SH3RF3: variants seen among roughly 807,000 people sequenced by gnomAD.
SH3RF3 encodes the protein SH3 domain containing ring finger 3.
A neutral mutation model predicts 66.3 loss-of-function variants in SH3RF3; 29 were observed. The ratio of observed to expected loss-of-function variants is 0.44; its 90% CI spans 0.33 to 0.60. SH3RF3 has a LOEUF of 0.60. SH3RF3 is among the 20% of genes least tolerant of loss of function. The pLI, the probability that SH3RF3 is intolerant of heterozygous loss-of-function variation, is 0.04. For synonymous variants in SH3RF3, 583 were observed against 532.0 expected (o/e 1.10, Z -1.32); for missense variants, 1,194 against 1,190.9 (o/e 1.00, Z -0.04).
At chr2:109,278,176 T>TAA (rs11423441) in intron 1 of SH3RF3, among the ~76,000 whole-genome samples, 177 of 147,620 alleles carry the variant, frequency 1.2e-3, no homozygotes, top group African/African-American at 3.4e-3. Context: ...GACCCAATCT[T>TAA]AAAAAAAAAA....
chr2:109,298,860 C>T (rs1212051952), intron 1 of SH3RF3, among the ~76,000 whole-genome samples: 1 of 152,214 alleles, frequency 6.6e-6, no homozygotes, highest in Non-Finnish European at 1.5e-5. Context: ...TATTCTCAAA[C>T]AGTGACCAGA....
intron 2 of SH3RF3, among the ~76,000 whole-genome samples, chr2:109,371,067 G>A (rs564876378): frequency 6.6e-6 from 1 of 152,302 alleles, no homozygotes. Context: ...CCCATATGGG[G>A]CTCTTTGCAG....
intron 1 of SH3RF3, among the ~76,000 whole-genome samples, chr2:109,314,271 G>A (rs1370824594): frequency 2.6e-5 from 4 of 152,204 alleles, no homozygotes; most frequent in African/African-American, 9.6e-5. Context: ...CTTGGCATAT[G>A]TTTTAGGAGA....
chr2:109,130,477 C>G (rs941342577), intron 1 of SH3RF3, among the ~76,000 whole-genome samples: 2 of 152,212 alleles, frequency 1.3e-5, no homozygotes, highest in African/African-American at 2.4e-5. Flanking sequence ...TCTGCACACC[C>G]TGGGCCTGCC....
chr2:109,406,512 G>A (rs1676456947), intron 4 of SH3RF3, among the ~76,000 whole-genome samples: 1 of 152,118 alleles, frequency 6.6e-6, no homozygotes, highest in Non-Finnish European at 1.5e-5. Flanking sequence ...CGGTAGAAGA[G>A]GGCTTGGCTC....
At chr2:109,396,284 A>C (rs1437532112) in intron 3 of SH3RF3, among the ~76,000 whole-genome samples, 2 of 152,244 alleles carry the variant, frequency 1.3e-5, no homozygotes, top group Non-Finnish European at 2.9e-5. Flanking sequence ...AAAATAGAGC[A>C]AAACAGCTGA....
At chr2:109,193,214 G>T (rs747248182) in intron 1 of SH3RF3, among the ~76,000 whole-genome samples, 2 of 152,246 alleles carry the variant, frequency 1.3e-5, no homozygotes, top group Non-Finnish European at 2.9e-5. Flanking sequence ...TTCCTGGGAA[G>T]ATCAGCTGAG....
chr2:109,475,049 C>T lies in SH3RF3; in HGVS notation c.2149-15556C>T, dbSNP rs562936555. Among the ~76,000 whole-genome samples the T allele has an allele frequency of 3.9e-5, 6 of 152,314 alleles. No individual in the cohort carries two copies. In the South Asian group the frequency reaches 1.2e-3, roughly 32 times the overall value. On this transcript the variant is annotated intron_variant, in intron 8 of 9. Coordinates refer to ENST00000309415, the MANE Select transcript of SH3RF3 (RefSeq NM_001099289.3). ...CTGGAGTGCAGTGGTGCGATCTCTG[C>T]TCACTGCAACCTCCACCTCCCAGGT...
intron 2 of SH3RF3, among the ~76,000 whole-genome samples, chr2:109,349,034 TCTCA>T (rs1417317862): frequency 6.6e-6 from 1 of 152,116 alleles, no homozygotes; most frequent in Non-Finnish European, 1.5e-5. Flanking sequence ...TCTCTCTCTC[TCTCA>T]CACACACACG....
At chr2:109,243,160 T>C (rs1342137201) in intron 1 of SH3RF3, among the ~76,000 whole-genome samples, 1 of 152,212 alleles carries the variant, frequency 6.6e-6, no homozygotes, top group Non-Finnish European at 1.5e-5. Context: ...TGTGCAGGTG[T>C]CTTGTAAGGG....
intron 1 of SH3RF3, among the ~76,000 whole-genome samples, chr2:109,213,448 A>G (rs11691266): frequency 0.3 from 45,055 of 152,148 alleles, 7,666 homozygotes; most frequent in South Asian, 0.39. Flanking sequence ...CATCCAGGAC[A>G]CTTCCCCTTA....
intron 8 of SH3RF3, among the ~76,000 whole-genome samples, chr2:109,468,466 C>T (rs983551131): frequency 6.6e-6 from 1 of 152,158 alleles, no homozygotes; most frequent in Non-Finnish European, 1.5e-5. Flanking sequence ...ACACATCATG[C>T]TGCTTGGTCC....
At chr2:109,167,004 C>A (rs1010556205) in intron 1 of SH3RF3, among the ~76,000 whole-genome samples, 1 of 152,290 alleles carries the variant, frequency 6.6e-6, no homozygotes, top group South Asian at 2.1e-4. Flanking sequence ...GTAGCTTGAG[C>A]AATGCTAAAA....
At chr2:109,200,665 AG>A (rs1383182155) in intron 1 of SH3RF3, among the ~76,000 whole-genome samples, 1 of 152,106 alleles carries the variant, frequency 6.6e-6, no homozygotes. Flanking sequence ...GCCAAGCTGG[AG>A]GCCTCTTTTC....
At chr2:109,142,492 A>T (rs1676980980) in intron 1 of SH3RF3, among the ~76,000 whole-genome samples, 1 of 152,196 alleles carries the variant, frequency 6.6e-6, no homozygotes, top group Non-Finnish European at 1.5e-5. Flanking sequence ...GCTTGCAGGC[A>T]CAGCGGCCGA....
chr2:109,149,352 A>C (rs2104863984), intron 1 of SH3RF3, among the ~76,000 whole-genome samples: 1 of 152,330 alleles, frequency 6.6e-6, no homozygotes, highest in South Asian at 2.1e-4. Context: ...CCATTTAATC[A>C]AGAGTCAAGT....
rs143335780 is a variant in SH3RF3, at chr2:109,140,078, G to A, written c.573+9965G>A. Among the ~76,000 whole-genome samples, 306 of 152,288 alleles carry A rather than the reference G, an allele frequency of 2.0e-3. 7 individuals are homozygous for A. The South Asian group carries it at 0.046, about 23-fold the overall frequency. ...GCTGGGGTGAAGAGGACAGGTCTGCGGAAGGCTTTCCACTTAGTCCTGGGA... is the reference window on the plus strand; with the variant it reads ...GCTGGGGTGAAGAGGACAGGTCTGCAGAAGGCTTTCCACTTAGTCCTGGGA... On this transcript the variant is annotated intron_variant, in intron 1 of 9. Coordinates refer to ENST00000309415, the MANE Select transcript of SH3RF3 (RefSeq NM_001099289.3).
intron 1 of SH3RF3, among the ~76,000 whole-genome samples, chr2:109,208,565 C>A (rs796293869): frequency 5.3e-5 from 8 of 152,352 alleles, no homozygotes; most frequent in African/African-American, 1.9e-4. Flanking sequence ...GACCCACCTG[C>A]AGCAGAGCTG....
chr2:109,210,053 A>G (rs1158238642), intron 1 of SH3RF3, among the ~76,000 whole-genome samples: 2 of 152,184 alleles, frequency 1.3e-5, no homozygotes. Context: ...AGAGTCAAAC[A>G]GTATTTGTCC....
Sources: allele counts gnomAD v4.1 joint callset (sites outside exome capture counted in the v4.1 genomes callset), GRCh38; gene constraint gnomAD v4.1.1; transcripts MANE v1.5; gene names NCBI Gene and HGNC (gene_info 2026-07-23, HGNC 2026-07-21).